EZH1: variants seen among roughly 807,000 people sequenced by gnomAD.
EZH1 encodes enhancer of zeste 1 polycomb repressive complex 2 subunit, also known as histone-lysine N-methyltransferase EZH1.
In EZH1, 33 loss-of-function variants were observed where a neutral mutation model predicts 100.5. The ratio of observed to expected loss-of-function variants is 0.33; its 90% confidence interval spans 0.25 to 0.44. The LOEUF (loss-of-function observed/expected upper bound fraction) is 0.44, where lower values mean the gene tolerates loss of function less well. Ranked by LOEUF, EZH1 falls within the 20% of genes least tolerant of loss-of-function variation. EZH1 has a pLI of 1.00. For synonymous variants in EZH1, 272 were observed against 313.8 expected (o/e 0.87, Z 1.41); for missense variants, 475 against 928.4 (o/e 0.51, Z 6.35).
intron 4 of EZH1, among the ~76,000 whole-genome samples, chr17:42,726,183 C>CT (rs1374975364): frequency 0.25 from 24,262 of 96,732 alleles, 3,057 homozygotes; most frequent in Non-Finnish European, 0.33. Flanking sequence ...CCAGCTTCTG[C>CT]TTTTTTTTTT....
intron 5 of EZH1, 89 bp downstream of exon 5, chr17:42,724,216 G>T: frequency 6.7e-7 from 1 of 1,499,954 alleles, no homozygotes; most frequent in South Asian, 1.2e-5. Context: ...TTAATTACTG[G>T]ACAATCTTTA....
intron 1 of EZH1, among the ~76,000 whole-genome samples, chr17:42,732,600 C>G (rs2053972806): frequency 6.6e-6 from 1 of 152,106 alleles, no homozygotes; most frequent in South Asian, 2.1e-4. Context: ...AACCCCGTCT[C>G]TACTAAAAAT....
At position 42,703,730 on chromosome 17, in the gene EZH1, T is replaced by C. The variant is rs2053292731; in HGVS notation, c.2098+10A>G. 6.2e-7 allele frequency: 1 copy of C among 1,611,256 alleles called. No individual in the cohort carries two copies. The highest frequency in any genetic ancestry group is 1.3e-5 in the African/African-American group (1 of 74,880). On this transcript the variant is annotated intron_variant, in intron 19 of 20. Coordinates refer to ENST00000428826, the MANE Select transcript of EZH1 (RefSeq NM_001991.5). ...TCCCCCACCCCACCTCCCAGGTTAC[T>C]GGGACTCACCTTTGGCATAACAGTT...
intron 1 of EZH1, among the ~76,000 whole-genome samples, chr17:42,740,230 G>A (rs2143896040): frequency 6.6e-6 from 1 of 151,158 alleles, no homozygotes; most frequent in South Asian, 2.1e-4. Flanking sequence ...TATATTTTCA[G>A]TGGAGACAAG....
intron 12 of EZH1, among the ~76,000 whole-genome samples, chr17:42,711,747 G>A (rs1204797652): frequency 6.6e-6 from 1 of 151,972 alleles, no homozygotes; most frequent in African/African-American, 2.4e-5. Context: ...GGAGGCGGAG[G>A]TTGCAGTGAG....
At position 42,724,524 on chromosome 17, in the gene EZH1, CCAGTAA is replaced by C; in HGVS notation, c.247-106_247-101del. 4 of 1,412,942 alleles carry C rather than the reference CCAGTAA, an allele frequency of 2.8e-6. No individual in the cohort carries two copies. In the South Asian group the frequency reaches 5.0e-5, roughly 18 times the overall value. The allele number at this position is 1,412,942 out of a possible 1,614,324, so 87.5% of individuals were successfully genotyped here. Reference sequence around the variant, plus strand: ...AATTGGCTGGGCATAGTGGCTCATGCCAGTAATCCCAGCACTTTGGGAGGCCAAGAC... The same window carrying C: ...AATTGGCTGGGCATAGTGGCTCATGCTCCCAGCACTTTGGGAGGCCAAGAC... On this transcript the variant is annotated intron_variant, in intron 4 of 20. Transcript: ENST00000428826.
chr17:42,710,782 C>CTTTT (rs5820471), intron 12 of EZH1, among the ~76,000 whole-genome samples: 18 of 107,566 alleles, frequency 1.7e-4, no homozygotes, highest in African/African-American at 3.1e-4. Context: ...AGGTACGTGG[C>CTTTT]TTTTTTTTTT....
intron 2 of EZH1, among the ~76,000 whole-genome samples, chr17:42,729,732 C>A (rs1269785059): frequency 7.5e-6 from 1 of 132,862 alleles, no homozygotes; most frequent in African/African-American, 3.1e-5. Context: ...CAGTGAGACT[C>A]CATCTCAAAA....
intron 1 of EZH1, among the ~76,000 whole-genome samples, chr17:42,732,770 A>G (rs60935382): frequency 0.032 from 4,871 of 152,162 alleles, 264 homozygotes; most frequent in African/African-American, 0.11. Flanking sequence ...CTGTCTCAAA[A>G]CCAAACAAAA....
chr17:42,705,096 A>G lies in EZH1; in HGVS notation c.1927T>C (p.Cys643Arg). The change falls in exon 17 of 21, where the codon TGT (cysteine) becomes CGT (arginine). Residue 643 changes from cysteine (C) to arginine (R), a missense_variant. Physicochemically the swap from Cys to Arg is radical, Grantham distance 180. Coordinates refer to ENST00000428826, the MANE Select transcript of EZH1 (RefSeq NM_001991.5). ...VQKNEFISEY[C>R]GELISQDEAD... Reference sequence around the variant, plus strand: ...AAAACTATAGCACTCACCTCACCACAGTATTCAGAAATGAATTCGTTCTTC... The same window carrying G: ...AAAACTATAGCACTCACCTCACCACGGTATTCAGAAATGAATTCGTTCTTC... 1 of 1,613,454 alleles carries G rather than the reference A, an allele frequency of 6.2e-7. No homozygotes were observed. Among genetic ancestry groups the G allele is most frequent in the Non-Finnish European group, 8.5e-7 (1 of 1,179,544 alleles).
intron 1 of EZH1, among the ~76,000 whole-genome samples, chr17:42,732,389 T>A (rs901379488): frequency 3.3e-5 from 5 of 152,158 alleles, no homozygotes; most frequent in Non-Finnish European, 7.4e-5. Flanking sequence ...TCCCAGCACT[T>A]TGGGAGGCCA....
rs771829365 is a variant in EZH1, at chr17:42,705,093, C to G, written c.1930G>C (p.Gly644Arg). ...QKNEFISEYC[G>R]ELISQDEADR... is the part of the protein sequence containing the mutation. ...GCCAAAACTATAGCACTCACCTCAC[C>G]ACAGTATTCAGAAATGAATTCGTTC... The change falls in exon 17 of 21, where the codon GGT becomes CGT. Residue 644 changes from glycine to arginine, a missense_variant. Around this residue, in one of 8 missense-constraint regions of EZH1, gnomAD observed 49 missense variants for 164.2 expected, o/e 0.30. Transcript: ENST00000428826. 1.2e-6 allele frequency: 2 copies of G among 1,613,256 alleles called. No homozygotes were observed. Among genetic ancestry groups the G allele is most frequent in the South Asian group, 2.2e-5 (2 of 90,972 alleles).
intron 14 of EZH1, 55 bp from the exon 15 acceptor site, chr17:42,708,138 C>G: frequency 3.3e-6 from 5 of 1,530,480 alleles, no homozygotes; most frequent in Non-Finnish European, 4.4e-6. Context: ...CAGCTGTCTT[C>G]CCTCCCAAGT....
At chr17:42,713,512 T>A in intron 10 of EZH1, 123 bp from the exon 11 acceptor site, 2 of 839,096 alleles carry the variant, frequency 2.4e-6, no homozygotes, top group Non-Finnish European at 3.4e-6. Context: ...TTTTTCTCTG[T>A]ACCATATAAT....
intron 1 of EZH1, among the ~76,000 whole-genome samples, chr17:42,744,513 C>T (rs1054967882): frequency 2.6e-5 from 4 of 152,136 alleles, no homozygotes; most frequent in African/African-American, 9.7e-5. Context: ...GGGAGCCTTA[C>T]TCACCTCACC....
intron 19 of EZH1, 22 bp downstream of exon 19, chr17:42,703,718 C>G (rs770643244): frequency 1.3e-6 from 2 of 1,570,310 alleles, no homozygotes; most frequent in South Asian, 2.2e-5. Flanking sequence ...CCCACCCCAC[C>G]TCCCAGGTTA....
intron 16 of EZH1, chr17:42,705,589 G>A (rs1037375513): frequency 2.2e-5 from 4 of 178,750 alleles, no homozygotes; most frequent in Non-Finnish European, 4.7e-5. Context: ...GTGCGATCTC[G>A]GCTTGCTGCA....
chr17:42,735,001 AAG>A (rs2143866946), intron 1 of EZH1, among the ~76,000 whole-genome samples: 2 of 146,756 alleles, frequency 1.4e-5, no homozygotes, highest in African/African-American at 4.9e-5. Context: ...TCAAAAAAAG[AAG>A]AGGAAAGAAA....
chr17:42,721,096 G>A (rs1230312750), intron 6 of EZH1, among the ~76,000 whole-genome samples: 2 of 152,238 alleles, frequency 1.3e-5, no homozygotes, highest in Non-Finnish European at 2.9e-5. Context: ...TGGCTTTGCT[G>A]CTGATGGGTC....
Sources: gnomAD v4.1 joint callset for allele counts (sites outside exome capture counted in the v4.1 genomes callset) on GRCh38, gnomAD v4.1.1 for gene constraint, gnomAD v4.1.1 regional missense constraint, MANE v1.5 for transcripts, NCBI Gene and HGNC (gene_info 2026-07-23, HGNC 2026-07-21) for gene names.